Variants in PRAG1 observed in about 807,000 individuals in gnomAD.
PRAG1 encodes the protein PEAK1 related, kinase-activating pseudokinase 1.
Under a neutral mutation model 95.6 loss-of-function variants are expected in PRAG1, and 110 were observed. That is an observed-to-expected ratio of 1.15 (90% CI 0.99 to 1.35). The LOEUF (loss-of-function observed/expected upper bound fraction) is 1.35, where lower values mean the gene tolerates loss of function less well. Among genes scored for constraint, PRAG1 ranks in the 40% most tolerant of loss-of-function variants. The pLI is 0.00. For synonymous variants in PRAG1, 1,052 were observed against 819.4 expected, an observed-to-expected ratio of 1.28 and a Z score of -4.85; for missense variants, 2,554 against 1,864.7, an observed-to-expected ratio of 1.37 and a Z score of -6.81.
chr8:8,355,707 A>T (rs557058467), intron 3 of PRAG1, among the ~76,000 whole-genome samples: 1 of 152,180 alleles, frequency 6.6e-6, no homozygotes, highest in Non-Finnish European at 1.5e-5. Flanking sequence ...TGGTGCTGGG[A>T]AAACTGTATC....
At chr8:8,347,371 G>C (rs1799380205) in intron 3 of PRAG1, among the ~76,000 whole-genome samples, 1 of 152,196 alleles carries the variant, frequency 6.6e-6, no homozygotes, top group Non-Finnish European at 1.5e-5. Flanking sequence ...TCTATAAAAT[G>C]CACTTCCTGC....
At chr8:8,368,451 G>A (rs1022284545) in intron 3 of PRAG1, among the ~76,000 whole-genome samples, 1 of 152,236 alleles carries the variant, frequency 6.6e-6, no homozygotes, top group African/African-American at 2.4e-5. Flanking sequence ...TGCAAGCACA[G>A]AGGATGCAGA....
chr8:8,367,948 G>C (rs763716625), intron 3 of PRAG1, among the ~76,000 whole-genome samples: 2 of 152,100 alleles, frequency 1.3e-5, no homozygotes, highest in African/African-American at 2.4e-5. Flanking sequence ...GCCGTATATA[G>C]TGTTTTTTAA....
At chr8:8,361,286 C>T (rs1045834013) in intron 3 of PRAG1, among the ~76,000 whole-genome samples, 1 of 152,144 alleles carries the variant, frequency 6.6e-6, no homozygotes, top group African/African-American at 2.4e-5. Context: ...TGCTGAAGTC[C>T]TTTCTTTAAG....
chr8:8,377,531 T>C lies in PRAG1; in HGVS notation c.878A>G (p.Lys293Arg), dbSNP rs1414497289. Reference protein sequence around the residue: ...DCSPTCWEQGKCSGPAEQEKR... With the variant: ...DCSPTCWEQGRCSGPAEQEKR... ...CTCCTGCTCTGCGGGCCCGGAACAC[T>C]TCCCCTGCTCCCAGCACGTGGGTGA... The change falls in exon 3 of 6, where the codon AAG (lysine) becomes AGG (arginine). Residue 293 changes from lysine (K) to arginine (R), a missense_variant. Physicochemically the swap from Lys to Arg is conservative, Grantham distance 26. Transcript: ENST00000615670. The C allele has an allele frequency of 1.3e-6, 2 of 1,584,690 alleles. No homozygotes were observed. The highest frequency in any genetic ancestry group is 1.1e-5 in the South Asian group (1 of 87,018).
Position 8,377,149 on chromosome 8 carries a change from C to T in PRAG1, c.1260G>A (p.Lys420=), listed in dbSNP as rs1800437606. The change falls in exon 3 of 6, where the codon AAG becomes AAA. Residue 420 remains lysine, a synonymous_variant. Coordinates refer to ENST00000615670, the MANE Select transcript of PRAG1 (RefSeq NM_001080826.3). ...ACTTGGAAGGCACCGGAGCTGCCTT[C>T]TTCCTCTTGGTGCTCTCAGCATAGA... ...EPIYAESTKR[K]KAAPVPSKSQ... is the part of the protein sequence containing the mutation. 2 of 1,612,308 alleles carry T rather than the reference C, an allele frequency of 1.2e-6. No homozygotes were observed. Among genetic ancestry groups the T allele is most frequent in the Non-Finnish European group, 8.5e-7 (1 of 1,180,020 alleles).
chr8:8,381,818 G>A lies in PRAG1; in HGVS notation c.-71C>T. ...TGCAGTTTTGTGGGATTCAGAGGTG[G>A]GTCACAGAGCGGCTTCCTAGAAAGG... On this transcript the variant is annotated 5_prime_UTR_variant, in exon 2 of 6. Coordinates refer to ENST00000615670, the MANE Select transcript of PRAG1 (RefSeq NM_001080826.3). 1 of 1,325,082 alleles carries A rather than the reference G, an allele frequency of 7.5e-7. No homozygotes were observed. Among genetic ancestry groups the A allele is most frequent in the South Asian group, 1.5e-5 (1 of 65,536 alleles). 82.1% of individuals were successfully genotyped at this position (1,325,082 alleles called of 1,614,324 possible).
intron 5 of PRAG1, among the ~76,000 whole-genome samples, chr8:8,324,581 C>A (rs1341601622): frequency 1.3e-5 from 2 of 152,102 alleles, no homozygotes; most frequent in Admixed American, 6.5e-5. Context: ...CTCCCTGCCC[C>A]CAACCAACCT....
intron 3 of PRAG1, among the ~76,000 whole-genome samples, chr8:8,360,308 T>G (rs1289771869): frequency 6.6e-6 from 1 of 152,120 alleles, no homozygotes; most frequent in Admixed American, 6.5e-5. Flanking sequence ...GCCCCTTTTC[T>G]TCTTCTCTTT....
chr8:8,345,159 T>G (rs1453227926), intron 3 of PRAG1, among the ~76,000 whole-genome samples: 1 of 151,194 alleles, frequency 6.6e-6, no homozygotes, highest in Admixed American at 6.6e-5. Context: ...CAAGTGGAAT[T>G]TTCATGGCTT....
chr8:8,362,540 G>A (rs1329489768), intron 3 of PRAG1, among the ~76,000 whole-genome samples: 2 of 152,158 alleles, frequency 1.3e-5, no homozygotes, highest in Admixed American at 6.6e-5. Flanking sequence ...CAAGGCAGTG[G>A]GGCACCTCCC....
chr8:8,321,383 C>T (rs920140102), intron 5 of PRAG1, among the ~76,000 whole-genome samples: 3 of 152,174 alleles, frequency 2.0e-5, no homozygotes, highest in Admixed American at 2.0e-4. Flanking sequence ...CGGTGCCTGG[C>T]CTGCACTTGG....
At chr8:8,322,718 G>C (rs969007921) in intron 5 of PRAG1, among the ~76,000 whole-genome samples, 1 of 152,004 alleles carries the variant, frequency 6.6e-6, no homozygotes, top group African/African-American at 2.4e-5. Context: ...ATAAAGTCTT[G>C]GTCTCCATAA....
chr8:8,350,629 C>A (rs1056877316), intron 3 of PRAG1, among the ~76,000 whole-genome samples: 6 of 152,152 alleles, frequency 3.9e-5, no homozygotes, highest in Non-Finnish European at 5.9e-5. Flanking sequence ...ACTTCCTAGA[C>A]GGATTTCAGA....
chr8:8,367,458 C>CAA (rs1158165514), intron 3 of PRAG1, among the ~76,000 whole-genome samples: 1 of 26,218 alleles, frequency 3.8e-5, no homozygotes, highest in Non-Finnish European at 6.4e-5. Flanking sequence ...GACTCCATCT[C>CAA]AAAAAAAAAA....
chr8:8,370,320 G>T lies in PRAG1; in HGVS notation c.2162+5927C>A, dbSNP rs117431783. Among the ~76,000 whole-genome samples the T allele has an allele frequency of 5.3e-5, 8 of 152,308 alleles. No homozygotes were observed. In the East Asian group the frequency reaches 1.5e-3, roughly 29 times the overall value. ...CACAGAATATAAACATGCATTGTTG[G>T]TACATATGCTTTGTTCTGTTTGCCA... On this transcript the variant is annotated intron_variant, in intron 3 of 5. Transcript: ENST00000615670.
rs142468981 is a variant in PRAG1 at position 8,385,329 on chromosome 8, T to C, written c.-88+992A>G. On this transcript the variant is annotated intron_variant, in intron 1 of 5. Transcript: ENST00000615670. ...CTCACGCAGAGGGTAAATTACGATATTCACCCAACTTTTCCTTTTCTTTTT... is the reference window on the plus strand; with the variant it reads ...CTCACGCAGAGGGTAAATTACGATACTCACCCAACTTTTCCTTTTCTTTTT... Among the ~76,000 whole-genome samples the C allele has an allele frequency of 7.1e-4, 108 of 152,280 alleles. No individual in the cohort carries two copies. In the East Asian group the frequency reaches 0.014, roughly 20 times the overall value.
intron 5 of PRAG1, among the ~76,000 whole-genome samples, chr8:8,320,460 G>T (rs1798437179): frequency 2.0e-5 from 3 of 152,134 alleles, no homozygotes; most frequent in Admixed American, 2.0e-4. Context: ...AGCAATCCTA[G>T]TCCTCATCTG....
chr8:8,364,331 A>G (rs1044304814), intron 3 of PRAG1, among the ~76,000 whole-genome samples: 2 of 152,144 alleles, frequency 1.3e-5, no homozygotes, highest in Non-Finnish European at 2.9e-5. Context: ...TTAACTGCCT[A>G]TCCATGTTTT....
Sources: allele counts gnomAD v4.1 joint callset (sites outside exome capture counted in the v4.1 genomes callset), GRCh38; gene constraint gnomAD v4.1.1; transcripts MANE v1.5; gene names NCBI Gene and HGNC (gene_info 2026-07-23, HGNC 2026-07-21).